HEPHL1: variants seen among roughly 807,000 people sequenced by gnomAD.
HEPHL1 encodes ferroxidase HEPHL1.
HEPHL1 carries 123 observed loss-of-function variants against 122.0 expected under a neutral mutation model. That is an observed-to-expected ratio of 1.01 (90% CI 0.87 to 1.17). The LOEUF (loss-of-function observed/expected upper bound fraction) is 1.17, where lower values mean the gene tolerates loss of function less well. Among genes scored for constraint, HEPHL1 ranks in the 50% most tolerant of loss-of-function variants. The probability of loss-of-function intolerance (pLI) is 0.00; values close to 1 mark genes in which losing one functional copy is unlikely to be tolerated. For synonymous variants in HEPHL1, 527 were observed against 508.9 expected (o/e 1.04, Z -0.48); for missense variants, 1,452 against 1,430.5 (o/e 1.01, Z -0.24).
chr11:94,033,715 G>A lies in HEPHL1; in HGVS notation c.171-11958G>A, dbSNP rs961463230. Among the ~76,000 whole-genome samples the A allele has an allele frequency of 1.5e-4, 23 of 152,128 alleles. 1 individual carries two copies. Among genetic ancestry groups the A allele is most frequent in the Admixed American group, 2.6e-4 (4 of 15,278 alleles). The stretch of plus-strand genomic sequence containing the variant: ...CCCAGCTTTAGCTTGCCAATATGGG[G>A]ACAAACTCACACTTGTTTGTTTGTT... On this transcript the variant is annotated intron_variant, in intron 1 of 19. Transcript: ENST00000315765.
chr11:94,060,804 G>A (rs1307990023), intron 2 of HEPHL1, among the ~76,000 whole-genome samples: 1 of 152,180 alleles, frequency 6.6e-6, no homozygotes, highest in Non-Finnish European at 1.5e-5. Flanking sequence ...ACACTGATGG[G>A]AAGCAATGAA....
rs1456245503 is a variant in HEPHL1, at chr11:94,111,876, C to T, written c.3462C>T (p.Leu1154=). The T allele has an allele frequency of 1.3e-6, 2 of 1,517,664 alleles. No homozygotes were observed. The highest frequency in any genetic ancestry group is 1.4e-5 in the African/African-American group (1 of 71,684). The allele number at this position is 1,517,664 out of a possible 1,614,324, so 94.0% of individuals were successfully genotyped here. The change falls in exon 20 of 20, where the codon CTC becomes CTT. Residue 1154 remains leucine (L), a synonymous_variant. Coordinates refer to ENST00000315765, the MANE Select transcript of HEPHL1 (RefSeq NM_001098672.2). ...TDYQQVQSCA[L]PTDAL ...ACCAGCAAGTCCAGTCCTGTGCTCT[C>T]CCCACGGATGCTCTGTGAACCATCT...
At chr11:94,042,883 A>AAAAACAAAC (rs1555058774) in intron 1 of HEPHL1, among the ~76,000 whole-genome samples, 6 of 132,398 alleles carry the variant, frequency 4.5e-5, no homozygotes, top group African/African-American at 1.7e-4. Context: ...AATAAAAAAA[A>AAAAACAAAC]AAAAAAAAAA....
intron 6 of HEPHL1, among the ~76,000 whole-genome samples, chr11:94,071,294 T>A (rs1946071715): frequency 6.6e-6 from 1 of 151,770 alleles, no homozygotes; most frequent in South Asian, 2.1e-4. Context: ...ATTCTCTTTG[T>A]GATCAATAAA....
Position 94,093,622 on chromosome 11 carries a change from G to A in HEPHL1, c.2416G>A (p.Glu806Lys). The part of the protein sequence containing the change: ...VEIKARPPRE[E>K]HLELLGPMIH... ...GATCAAAGCCCGACCACCACGAGAG[G>A]AGCACTTAGAACTCCTGGGTATGGC... Residue 806 changes from glutamate to lysine, a missense_variant, in exon 13 of 20, where the codon GAG becomes AAG. By Grantham distance (56) the Glu-to-Lys change is moderately conservative. Transcript: ENST00000315765. 3 of 1,613,418 alleles carry A rather than the reference G, an allele frequency of 1.9e-6. No homozygotes were observed. Among genetic ancestry groups the A allele is most frequent in the East Asian group, 2.2e-5 (1 of 44,846 alleles).
At chr11:94,091,841 G>T (rs1008970875) in intron 12 of HEPHL1, among the ~76,000 whole-genome samples, 3 of 152,176 alleles carry the variant, frequency 2.0e-5, no homozygotes, top group Non-Finnish European at 4.4e-5. Flanking sequence ...GTAAAGGCCT[G>T]GAGGTGAGGG....
chr11:94,070,541 A>C lies in HEPHL1; in HGVS notation c.1231A>C (p.Ser411Arg). The change falls in exon 6 of 20, where the codon AGT becomes CGT. Residue 411 changes from serine (S) to arginine (R), a missense_variant and splice_region_variant. By Grantham distance (110) the Ser-to-Arg change is moderately radical. Transcript: ENST00000315765. ...TGGTCTTCCTCTAAACGCCTCTGGC[A>C]GGTAAGCACCCTTTGTTGGTGTTTC... ...FSGLPLNASG[S>R]DSDLYFTQGD... The C allele has an allele frequency of 6.2e-7, 1 of 1,607,588 alleles. No homozygotes were observed. Among genetic ancestry groups the C allele is most frequent in the Non-Finnish European group, 8.5e-7 (1 of 1,176,488 alleles).
chr11:94,027,927 G>A (rs1042894841), intron 1 of HEPHL1, among the ~76,000 whole-genome samples: 35 of 152,124 alleles, frequency 2.3e-4, no homozygotes, highest in East Asian at 1.9e-3. Flanking sequence ...TGCAATCTCC[G>A]TCTCCACCCT....
chr11:94,106,215 G>A, intron 17 of HEPHL1, 85 bp downstream of exon 17: 1 of 1,063,040 alleles, frequency 9.4e-7, no homozygotes, highest in Non-Finnish European at 1.3e-6. Flanking sequence ...GAGTTACTTG[G>A]CAATAATGCT....
intron 11 of HEPHL1, among the ~76,000 whole-genome samples, chr11:94,088,148 T>C (rs929758385): frequency 6.6e-6 from 1 of 152,244 alleles, no homozygotes; most frequent in Non-Finnish European, 1.5e-5. Flanking sequence ...CAGTATTATG[T>C]AGAAAAATCT....
chr11:94,023,558 A>G (rs1945599191), intron 1 of HEPHL1, among the ~76,000 whole-genome samples: 1 of 152,208 alleles, frequency 6.6e-6, no homozygotes, highest in African/African-American at 2.4e-5. Flanking sequence ...AAAAATTGCT[A>G]TGGTGAAAAA....
chr11:94,110,936 C>T lies in HEPHL1; in HGVS notation c.3079C>T (p.Leu1027Phe), dbSNP rs781581654. ...DKSYREDVYDLFPGTFQTIEL... is the reference protein window; with the variant it reads ...DKSYREDVYDFFPGTFQTIEL... ...ATCTTACCGAGAAGATGTGTATGAT[C>T]TCTTTCCTGGGACATTCCAAACCAT... is the stretch of plus-strand genomic sequence containing the variant. The change falls in exon 18 of 20, where the codon CTC (leucine) becomes TTC (phenylalanine). Residue 1027 changes from leucine (L) to phenylalanine (F), a missense_variant. Leu to Phe is a conservative substitution (Grantham distance 22). Transcript: ENST00000315765. The T allele has an allele frequency of 6.2e-7, 1 of 1,612,968 alleles. No individual in the cohort carries two copies. The highest frequency in any genetic ancestry group is 2.2e-5 in the East Asian group (1 of 44,858).
At chr11:94,100,711 C>T (rs1053298323) in intron 13 of HEPHL1, among the ~76,000 whole-genome samples, 30 of 152,070 alleles carry the variant, frequency 2.0e-4, no homozygotes, top group Non-Finnish European at 3.5e-4. Context: ...TAATTTCAGA[C>T]TTATCAAAGG....
At chr11:94,085,851 T>C (rs1481067067) in intron 10 of HEPHL1, 126 bp from the exon 11 acceptor site, 1 of 655,416 alleles carries the variant, frequency 1.5e-6, no homozygotes, top group Non-Finnish European at 2.7e-6. Context: ...GGATTCACCA[T>C]GTGGCTTTTC....
At chr11:94,085,284 C>T (rs971127755) in intron 10 of HEPHL1, among the ~76,000 whole-genome samples, 1 of 152,168 alleles carries the variant, frequency 6.6e-6, no homozygotes, top group Non-Finnish European at 1.5e-5. Context: ...ATTTGCCACT[C>T]TGGAAGCACA....
chr11:94,058,982 A>G (rs1284643803), intron 2 of HEPHL1, among the ~76,000 whole-genome samples: 4 of 152,220 alleles, frequency 2.6e-5, no homozygotes, highest in African/African-American at 9.6e-5. Flanking sequence ...CCAAATGAAC[A>G]TGGTTAGAAG....
At chr11:94,058,763 G>A (rs980096228) in intron 2 of HEPHL1, among the ~76,000 whole-genome samples, 39 of 151,778 alleles carry the variant, frequency 2.6e-4, no homozygotes, top group African/African-American at 8.9e-4. Context: ...ATGGGGTCTC[G>A]CTATGTTGCC....
intron 13 of HEPHL1, among the ~76,000 whole-genome samples, chr11:94,096,138 A>G (rs1018199238): frequency 6.6e-6 from 1 of 152,188 alleles, no homozygotes; most frequent in African/African-American, 2.4e-5. Context: ...CCCATTCAGT[A>G]TGATATTGGC....
intron 2 of HEPHL1, among the ~76,000 whole-genome samples, chr11:94,046,505 C>T (rs1945840873): frequency 6.7e-6 from 1 of 148,750 alleles, no homozygotes. Context: ...ACCAGGAACA[C>T]ACTAGCTTTC....
Sources: gnomAD v4.1 joint callset for allele counts (sites outside exome capture counted in the v4.1 genomes callset) on GRCh38, gnomAD v4.1.1 for gene constraint, MANE v1.5 for transcripts, NCBI Gene and HGNC (gene_info 2026-07-23, HGNC 2026-07-21) for gene names.